The following INTS8 variants were observed in gnomAD, a reference collection of about 807,000 sequenced individuals.
The protein encoded by INTS8 is integrator complex subunit 8, also known as protein kaonashi-1.
Under a neutral mutation model 138.9 loss-of-function variants are expected in INTS8, and 47 were observed. That is an observed-to-expected ratio of 0.34 (90% CI 0.27 to 0.43). The LOEUF (loss-of-function observed/expected upper bound fraction) is 0.43. Ranked by LOEUF, INTS8 falls within the 20% of genes least tolerant of loss-of-function variation. The pLI is 1.00. For missense variants in INTS8, 996 were observed against 1,173.0 expected (o/e 0.85, Z 2.20); for synonymous variants, 392 against 400.9 (o/e 0.98, Z 0.27).
intron 4 of INTS8, among the ~76,000 whole-genome samples, chr8:94,828,306 G>T (rs1452532672): frequency 6.6e-6 from 1 of 152,178 alleles, no homozygotes; most frequent in African/African-American, 2.4e-5. Context: ...CTTCCAAAGT[G>T]CTGGGATTAC....
intron 1 of INTS8, 46 bp from the exon 2 acceptor site, chr8:94,824,840 TATCTACA>T (rs1472062250): frequency 2.5e-6 from 2 of 805,318 alleles, no homozygotes; most frequent in African/African-American, 4.6e-5. Context: ...AATCCTTTTG[TATCTACA>T]TAATTAAAAC....
chr8:94,851,418 T>C (rs1815540564), intron 12 of INTS8, 135 bp from the exon 13 acceptor site: 1 of 505,246 alleles, frequency 2.0e-6, no homozygotes, highest in African/African-American at 2.0e-5. Context: ...ATTTATACAA[T>C]GTTGAATGCA....
intron 1 of INTS8, among the ~76,000 whole-genome samples, chr8:94,824,092 A>G (rs1413023556): frequency 3.3e-5 from 5 of 152,240 alleles, no homozygotes; most frequent in Non-Finnish European, 5.9e-5. Context: ...GAACTGCTGC[A>G]CATTTGCAAG....
chr8:94,842,675 C>T (rs1350811598), intron 10 of INTS8, among the ~76,000 whole-genome samples, 187 bp downstream of exon 10: 1 of 152,206 alleles, frequency 6.6e-6, no homozygotes, highest in Non-Finnish European at 1.5e-5. Flanking sequence ...CTAGTTCGCT[C>T]CATGTTTCTT....
intron 10 of INTS8, among the ~76,000 whole-genome samples, chr8:94,849,128 T>C (rs1407815360): frequency 6.6e-6 from 1 of 152,156 alleles, no homozygotes; most frequent in Non-Finnish European, 1.5e-5. Context: ...TTAACTCTTT[T>C]CTGACAGGAG....
intron 14 of INTS8, among the ~76,000 whole-genome samples, chr8:94,856,450 A>G (rs1815748468): frequency 6.6e-6 from 1 of 152,214 alleles, no homozygotes. Context: ...AATTCTGAAT[A>G]TGTTGGATGG....
chr8:94,849,726 A>G (rs570801527), intron 11 of INTS8, among the ~76,000 whole-genome samples, 190 bp from the exon 12 acceptor site: 1 of 152,124 alleles, frequency 6.6e-6, no homozygotes, highest in African/African-American at 2.4e-5. Flanking sequence ...CCTTTTTTTA[A>G]TATTGTGGCA....
At chr8:94,863,293 GC>G (rs1373796788) in intron 16 of INTS8, among the ~76,000 whole-genome samples, 1 of 152,202 alleles carries the variant, frequency 6.6e-6, no homozygotes, top group Admixed American at 6.5e-5. Flanking sequence ...TGGCGTTCCA[GC>G]CCTGTGCTGG....
rs1203015761 is a variant in INTS8, at chr8:94,880,193, A to G, written c.2947A>G (p.Lys983Glu). 1 of 1,604,806 alleles carries G rather than the reference A, an allele frequency of 6.2e-7. No individual in the cohort carries two copies. The highest frequency in any genetic ancestry group is 8.5e-7 in the Non-Finnish European group (1 of 1,175,374). Residue 983 changes from lysine (K) to glutamate (E), a missense_variant, in exon 27 of 27, where the codon AAA becomes GAA. Transcript: ENST00000523731. ...GTTACAGCTGGCAGCGCAGAGAAGGAAAAAAAAGTTTCTCCAAGCAATGGC... is the reference window on the plus strand; with the variant it reads ...GTTACAGCTGGCAGCGCAGAGAAGGGAAAAAAAGTTTCTCCAAGCAATGGC... Reference protein sequence around the residue: ...EVLQLAAQRRKKKFLQAMAKL... With the variant: ...EVLQLAAQRREKKFLQAMAKL...
In INTS8 at chr8:94,873,355, G is replaced by T. The variant is rs199801505; in HGVS notation, c.2534-19G>T. On this transcript the variant is annotated intron_variant, in intron 21 of 26. Coordinates refer to ENST00000523731, the MANE Select transcript of INTS8 (RefSeq NM_017864.4). ...TCAACTGTTACCTCTAATGCTTTATGTCTGTTTTTCTGTTTCAGCAACGAA... is the reference window on the plus strand; with the variant it reads ...TCAACTGTTACCTCTAATGCTTTATTTCTGTTTTTCTGTTTCAGCAACGAA... 6.6e-5 allele frequency: 103 copies of T among 1,549,476 alleles called. No homozygotes were observed. Among genetic ancestry groups the T allele is most frequent in the Non-Finnish European group, 4.6e-5 (52 of 1,121,434 alleles).
Position 94,881,692 on chromosome 8 carries a change from C to T in INTS8, c.*1458C>T, listed in dbSNP as rs1163196023. 6.2e-7 allele frequency: 1 copy of T among 1,613,916 alleles called. No individual in the cohort carries two copies. The highest frequency in any genetic ancestry group is 1.7e-5 in the Admixed American group (1 of 60,014). On this transcript the variant is annotated 3_prime_UTR_variant, in exon 27 of 27. Transcript: ENST00000523731. ...GTGGTGTCATAATGCCTCCATTGCA[C>T]ACTGGTGACAACTGTCCCCCTTTTC...
chr8:94,870,871 G>T (rs1453705375), intron 20 of INTS8, among the ~76,000 whole-genome samples: 1 of 152,098 alleles, frequency 6.6e-6, no homozygotes, highest in Non-Finnish European at 1.5e-5. Flanking sequence ...GGAGCAGTTA[G>T]CAGTTTTTTG....
Position 94,823,651 on chromosome 8 carries a change from G to C in INTS8, c.130+90G>C, listed in dbSNP as rs1366731343. ...TCCGCTCCCCGCCTTCTCGGTCACC[G>C]AAGCTGCGGCCTGGGAGGCGCGCAC... On this transcript the variant is annotated intron_variant, in intron 1 of 26. Coordinates refer to ENST00000523731, the MANE Select transcript of INTS8 (RefSeq NM_017864.4). 19 of 1,127,836 alleles carry C rather than the reference G, an allele frequency of 1.7e-5. No individual in the cohort carries two copies. The East Asian group carries it at 3.4e-4, about 20-fold the overall frequency. The allele number at this position is 1,127,836 out of a possible 1,614,324, so 69.9% of individuals were successfully genotyped here.
chr8:94,838,379 G>C, intron 7 of INTS8, 84 bp from the exon 8 acceptor site: 1 of 1,184,996 alleles, frequency 8.4e-7, no homozygotes, highest in South Asian at 1.4e-5. Flanking sequence ...GCATTTCCTT[G>C]TACTGTTAAA....
intron 16 of INTS8, among the ~76,000 whole-genome samples, chr8:94,863,276 T>G (rs1816060520): frequency 6.6e-6 from 1 of 152,236 alleles, no homozygotes; most frequent in African/African-American, 2.4e-5. Context: ...GCAGTTCCCC[T>G]GCCCCTTGGC....
chr8:94,880,223 C>T lies in INTS8; in HGVS notation c.2977C>T (p.Leu993Phe). The T allele has an allele frequency of 6.3e-7, 1 of 1,593,192 alleles. No individual in the cohort carries two copies. The highest frequency in any genetic ancestry group is 8.6e-7 in the Non-Finnish European group (1 of 1,168,084). Residue 993 changes from leucine (L) to phenylalanine (F), a missense_variant, in exon 27 of 27, where the codon CTT (leucine) becomes TTT (phenylalanine). Physicochemically the swap from Leu to Phe is conservative, Grantham distance 22 (BLOSUM62 0). Coordinates refer to ENST00000523731, the MANE Select transcript of INTS8 (RefSeq NM_017864.4). ...AAAGTTTCTCCAAGCAATGGCAAAA[C>T]TTTACTTTTAAGCAGTTAAATTTTT... is the stretch of plus-strand genomic sequence containing the variant. ...KKKFLQAMAK[L>F]YF
chr8:94,874,989 C>T (rs1345693261), intron 23 of INTS8, among the ~76,000 whole-genome samples: 4 of 151,990 alleles, frequency 2.6e-5, no homozygotes, highest in African/African-American at 9.7e-5. Flanking sequence ...AAATTGGCAC[C>T]CTCATATGTT....
intron 15 of INTS8, among the ~76,000 whole-genome samples, chr8:94,859,282 A>G (rs1384917168): frequency 6.6e-6 from 1 of 151,262 alleles, no homozygotes. Context: ...CCCTGTCTCT[A>G]CAAAATTTTA....
chr8:94,881,234 A>C lies in INTS8; in HGVS notation c.*1000A>C, dbSNP rs1816797509. 3 of 359,068 alleles carry C rather than the reference A, an allele frequency of 8.4e-6. No individual in the cohort carries two copies. The allele number at this position is 359,068 out of a possible 1,614,324, so 22.2% of individuals were successfully genotyped here. On this transcript the variant is annotated 3_prime_UTR_variant, in exon 27 of 27. Coordinates refer to ENST00000523731, the MANE Select transcript of INTS8 (RefSeq NM_017864.4). ...TTTTGAGAATCTAACAACTAGATTCAAAGTACTGTATCACTTAGTATACCC... is the reference window on the plus strand; with the variant it reads ...TTTTGAGAATCTAACAACTAGATTCCAAGTACTGTATCACTTAGTATACCC...
Sources: gnomAD v4.1 joint callset for allele counts (sites outside exome capture counted in the v4.1 genomes callset) on GRCh38, gnomAD v4.1.1 for gene constraint, MANE v1.5 for transcripts, NCBI Gene and HGNC (gene_info 2026-07-23, HGNC 2026-07-21) for gene names.